The following CAMSAP2 variants were observed in gnomAD, a reference collection of about 807,000 sequenced individuals.
CAMSAP2 encodes calmodulin regulated spectrin associated protein family member 2, also known as calmodulin-regulated spectrin-associated protein 2.
Under a neutral mutation model 146.1 loss-of-function variants are expected in CAMSAP2, and 26 were observed. The ratio of observed to expected loss-of-function variants is 0.18; its 90% CI spans 0.13 to 0.25. CAMSAP2 has a LOEUF of 0.25. CAMSAP2 is among the 10% of genes least tolerant of loss of function. The pLI, the probability that CAMSAP2 is intolerant of heterozygous loss-of-function variation, is 1.00. For missense variants in CAMSAP2, 1,381 were observed against 1,759.3 expected (o/e 0.78, Z 3.85); for synonymous variants, 499 against 596.6 (o/e 0.84, Z 2.38).
intron 4 of CAMSAP2, among the ~76,000 whole-genome samples, chr1:200,827,927 C>T (rs1430660806): frequency 2.0e-5 from 3 of 151,950 alleles, no homozygotes; most frequent in Non-Finnish European, 1.5e-5. Flanking sequence ...TTTGGGACAG[C>T]CCTAGATAGT....
At chr1:200,779,149 A>G (rs1244015383) in intron 2 of CAMSAP2, among the ~76,000 whole-genome samples, 7 of 152,202 alleles carry the variant, frequency 4.6e-5, no homozygotes, top group African/African-American at 1.7e-4. Flanking sequence ...ATAGGTCTAT[A>G]CCATGATTTT....
At chr1:200,753,996 C>T (rs1253349481) in intron 1 of CAMSAP2, among the ~76,000 whole-genome samples, 1 of 152,182 alleles carries the variant, frequency 6.6e-6, no homozygotes, top group East Asian at 1.9e-4. Context: ...TCTCCTTACC[C>T]CCATTTCTTC....
chr1:200,793,217 T>A (rs1182616081), intron 2 of CAMSAP2, among the ~76,000 whole-genome samples: 1 of 152,166 alleles, frequency 6.6e-6, no homozygotes, highest in Non-Finnish European at 1.5e-5. Flanking sequence ...TAGTAAGCAA[T>A]GATAATATTG....
chr1:200,831,687 A>G (rs1463494402), intron 4 of CAMSAP2, among the ~76,000 whole-genome samples: 6 of 151,544 alleles, frequency 4.0e-5, no homozygotes, highest in African/African-American at 1.2e-4. Flanking sequence ...CAACATTCAG[A>G]TAATAACCCA....
intron 2 of CAMSAP2, among the ~76,000 whole-genome samples, chr1:200,792,334 C>T (rs1665776756): frequency 6.6e-6 from 1 of 152,134 alleles, no homozygotes; most frequent in Non-Finnish European, 1.5e-5. Flanking sequence ...CATATAACAG[C>T]TTGTATGAAT....
chr1:200,739,774 G>T lies in CAMSAP2; in HGVS notation c.-54G>T. ...TCCCTCCCGACCCCCGTGGTGGCGA[G>T]GCCACGCCATGTGAAGGTTAGGGCC... On this transcript the variant is annotated 5_prime_UTR_variant, in exon 1 of 17. It adds an upstream start codon to the 5' untranslated region. Transcript: ENST00000358823. This position sits in a 1 kb window ranked among gnomAD's most constrained non-coding sequence, Gnocchi z 4.8. The T allele has an allele frequency of 6.3e-7, 1 of 1,578,406 alleles. No individual in the cohort carries two copies. Among genetic ancestry groups the T allele is most frequent in the Non-Finnish European group, 8.6e-7 (1 of 1,159,244 alleles).
intron 4 of CAMSAP2, among the ~76,000 whole-genome samples, chr1:200,817,161 C>CATAAGTGTGTGTAT (rs1233292439): frequency 1.2e-5 from 1 of 85,978 alleles, no homozygotes; most frequent in Admixed American, 1.3e-4. Flanking sequence ...CACACATACA[C>CATAAGTGTGTGTAT]ACACGTGTGT....
intron 2 of CAMSAP2, among the ~76,000 whole-genome samples, chr1:200,764,795 T>C (rs1384145409): frequency 6.6e-6 from 1 of 152,190 alleles, no homozygotes; most frequent in African/African-American, 2.4e-5. Flanking sequence ...TTCCTTTTAG[T>C]AATCAATCTT....
chr1:200,852,435 C>A, intron 11 of CAMSAP2, 106 bp from the exon 12 acceptor site: 2 of 1,282,992 alleles, frequency 1.6e-6, no homozygotes, highest in South Asian at 3.0e-5. Flanking sequence ...TGTAATAGTT[C>A]AAACTTTCAG....
At chr1:200,797,443 G>A (rs1439010007) in intron 2 of CAMSAP2, among the ~76,000 whole-genome samples, 1 of 149,232 alleles carries the variant, frequency 6.7e-6, no homozygotes, top group East Asian at 2.0e-4. Flanking sequence ...ATTTTTTCAT[G>A]TGTTTTTTGG....
At chr1:200,747,346 A>G (rs1664363718) in intron 1 of CAMSAP2, among the ~76,000 whole-genome samples, 1 of 152,226 alleles carries the variant, frequency 6.6e-6, no homozygotes, top group South Asian at 2.1e-4. Context: ...TTGAGGATGA[A>G]GGAATATGAG....
intron 4 of CAMSAP2, among the ~76,000 whole-genome samples, chr1:200,817,657 A>G (rs1666641116): frequency 6.6e-6 from 1 of 152,222 alleles, no homozygotes; most frequent in African/African-American, 2.4e-5. Context: ...TAAAAAGAGA[A>G]AGAAGGGAAA....
chr1:200,771,647 C>T (rs1278746804), intron 2 of CAMSAP2, among the ~76,000 whole-genome samples: 1 of 152,056 alleles, frequency 6.6e-6, no homozygotes, highest in African/African-American at 2.4e-5. Flanking sequence ...TTGCTTTTGG[C>T]CATTGCTGAT....
intron 1 of CAMSAP2, among the ~76,000 whole-genome samples, chr1:200,754,147 TTAATC>T (rs2102994837): frequency 6.6e-6 from 1 of 152,334 alleles, no homozygotes; most frequent in East Asian, 1.9e-4. Context: ...AATGTACTGT[TTAATC>T]TTATAAGAAC....
intron 2 of CAMSAP2, among the ~76,000 whole-genome samples, chr1:200,789,786 A>G (rs1665697512): frequency 7.1e-6 from 1 of 140,012 alleles, no homozygotes; most frequent in East Asian, 2.4e-4. Flanking sequence ...CTTTTTATCC[A>G]TGAACATGGA....
intron 4 of CAMSAP2, among the ~76,000 whole-genome samples, chr1:200,820,579 C>T (rs923553188): frequency 4.6e-5 from 7 of 152,276 alleles, no homozygotes; most frequent in African/African-American, 1.7e-4. Context: ...GCTTATACCT[C>T]TTTGCCTGAT....
intron 3 of CAMSAP2, among the ~76,000 whole-genome samples, chr1:200,811,407 T>C (rs1666328483): frequency 6.6e-6 from 1 of 152,164 alleles, no homozygotes; most frequent in Non-Finnish European, 1.5e-5. Flanking sequence ...ATCCAGCTAC[T>C]CTAGCAGTGC....
At chr1:200,762,963 G>A (rs1571727280) in intron 2 of CAMSAP2, among the ~76,000 whole-genome samples, 1 of 151,774 alleles carries the variant, frequency 6.6e-6, no homozygotes, top group East Asian at 1.9e-4. Context: ...GCAGTGGTGC[G>A]ATCTTGGCTC....
At chr1:200,855,931 A>T in intron 14 of CAMSAP2, 79 bp from the exon 15 acceptor site, 1 of 925,500 alleles carries the variant, frequency 1.1e-6, no homozygotes, top group Non-Finnish European at 1.7e-6. Context: ...GTTGATTTTG[A>T]TTGTTACTTT....
Sources: allele counts gnomAD v4.1 joint callset (sites outside exome capture counted in the v4.1 genomes callset), GRCh38; gene constraint gnomAD v4.1.1; non-coding constraint Gnocchi (gnomAD v3.1); transcripts MANE v1.5; gene names NCBI Gene and HGNC (gene_info 2026-07-23, HGNC 2026-07-21).